The following KCNB2 variants were observed in gnomAD, a reference collection of about 807,000 sequenced individuals.
The protein encoded by KCNB2 is delayed rectifier potassium channel protein.
KCNB2 carries 15 observed loss-of-function variants against 61.5 expected under a neutral mutation model. The ratio of observed to expected loss-of-function variants is 0.24; its 90% confidence interval spans 0.16 to 0.38. The LOEUF (loss-of-function observed/expected upper bound fraction) is 0.38. Ranked by LOEUF, KCNB2 falls within the 10% of genes least tolerant of loss-of-function variation. The probability of loss-of-function intolerance (pLI) is 1.00; values close to 1 mark genes in which losing one functional copy is unlikely to be tolerated. For synonymous variants in KCNB2, 457 were observed against 446.0 expected, an observed-to-expected ratio of 1.02 and a Z score of -0.31; for missense variants, 828 against 1,125.2, an observed-to-expected ratio of 0.74 and a Z score of 3.78.
At chr8:72,902,116 C>T (rs1182958740) in intron 2 of KCNB2, among the ~76,000 whole-genome samples, 1 of 151,952 alleles carries the variant, frequency 6.6e-6, no homozygotes, top group Non-Finnish European at 1.5e-5. Flanking sequence ...GGTCCATGGA[C>T]CAAGTATAGG....
intron 2 of KCNB2, among the ~76,000 whole-genome samples, chr8:72,752,658 C>T (rs1412062581): frequency 2.0e-5 from 3 of 152,258 alleles, no homozygotes; most frequent in Non-Finnish European, 4.4e-5. Context: ...TTGTAGATGG[C>T]ACGTCGTGGG....
intron 2 of KCNB2, among the ~76,000 whole-genome samples, chr8:72,687,020 C>T (rs535607658): frequency 2.2e-3 from 341 of 152,222 alleles, no homozygotes; most frequent in Non-Finnish European, 3.6e-3. Flanking sequence ...CATCAGTTAC[C>T]TAGGGAGCTC....
chr8:72,839,703 C>G (rs13248575), intron 2 of KCNB2, among the ~76,000 whole-genome samples: 27,798 of 145,746 alleles, frequency 0.19, 3,289 homozygotes, highest in Non-Finnish European at 0.27. Flanking sequence ...AGCTCCGCCT[C>G]CCGGGTTCAC....
At chr8:72,622,316 A>G (rs1216172382) in intron 2 of KCNB2, among the ~76,000 whole-genome samples, 5 of 152,038 alleles carry the variant, frequency 3.3e-5, no homozygotes, top group South Asian at 2.1e-4. Context: ...AGTCTTCTCA[A>G]TAACATCTAC....
chr8:72,790,456 A>G (rs1345781971), intron 2 of KCNB2, among the ~76,000 whole-genome samples: 4 of 152,196 alleles, frequency 2.6e-5, no homozygotes, highest in African/African-American at 4.8e-5. Flanking sequence ...ACTGAATTTG[A>G]CAAGTAGGAG....
chr8:72,638,475 TG>T (rs1806002277), intron 2 of KCNB2, among the ~76,000 whole-genome samples: 1 of 152,188 alleles, frequency 6.6e-6, no homozygotes, highest in African/African-American at 2.4e-5. Flanking sequence ...CATGATGATC[TG>T]TTCTTCACAG....
chr8:72,812,064 C>T (rs1055874461), intron 2 of KCNB2, among the ~76,000 whole-genome samples: 37 of 152,260 alleles, frequency 2.4e-4, no homozygotes, highest in African/African-American at 7.9e-4. Flanking sequence ...GAGTTCAAGA[C>T]CAGCCTGCCC....
intron 2 of KCNB2, among the ~76,000 whole-genome samples, chr8:72,896,444 G>T (rs1421661866): frequency 6.6e-6 from 1 of 152,100 alleles, no homozygotes; most frequent in African/African-American, 2.4e-5. Context: ...ATTAGTAAAT[G>T]AAACGTTCAA....
chr8:72,709,297 G>A (rs1226135986), intron 2 of KCNB2, among the ~76,000 whole-genome samples: 1 of 152,080 alleles, frequency 6.6e-6, no homozygotes, highest in Non-Finnish European at 1.5e-5. Context: ...CATGTGGTAA[G>A]GACAAGAGAA....
At chr8:72,850,708 G>T (rs1169521313) in intron 2 of KCNB2, among the ~76,000 whole-genome samples, 1 of 152,120 alleles carries the variant, frequency 6.6e-6, no homozygotes, top group African/African-American at 2.4e-5. Flanking sequence ...TACCAGAAAA[G>T]AAAATTTAAT....
At chr8:72,740,758 C>T (rs1464962698) in intron 2 of KCNB2, among the ~76,000 whole-genome samples, 1 of 152,188 alleles carries the variant, frequency 6.6e-6, no homozygotes, top group Non-Finnish European at 1.5e-5. Context: ...CCTTTCTTCT[C>T]ACAAGATCTT....
chr8:72,559,524 G>C (rs1028959070), intron 1 of KCNB2, among the ~76,000 whole-genome samples: 1 of 152,110 alleles, frequency 6.6e-6, no homozygotes. Flanking sequence ...GCTGGGGTTT[G>C]GGCTGTAGTG....
At chr8:72,848,190 A>G (rs754192762) in intron 2 of KCNB2, among the ~76,000 whole-genome samples, 11 of 152,180 alleles carry the variant, frequency 7.2e-5, no homozygotes, top group Non-Finnish European at 1.6e-4. Flanking sequence ...CACTCTATCA[A>G]TCATAATAGG....
intron 2 of KCNB2, among the ~76,000 whole-genome samples, chr8:72,737,277 G>A (rs1439335755): frequency 1.3e-5 from 2 of 152,072 alleles, no homozygotes; most frequent in Non-Finnish European, 1.5e-5. Flanking sequence ...TCCAACTAAG[G>A]ACCATTAGTT....
chr8:72,900,035 G>A (rs149814169), intron 2 of KCNB2, among the ~76,000 whole-genome samples: 1,522 of 152,124 alleles, frequency 0.01, 34 homozygotes, highest in African/African-American at 0.034. Context: ...AGCCTGAATA[G>A]CCAAAGCAAT....
At chr8:72,717,767 A>T (rs12502672) in intron 2 of KCNB2, among the ~76,000 whole-genome samples, 14 of 152,234 alleles carry the variant, frequency 9.2e-5, no homozygotes, top group East Asian at 7.7e-4. Context: ...GGACTTCATG[A>T]CTAAAACACC....
At chr8:72,727,626 T>A (rs904844637) in intron 2 of KCNB2, among the ~76,000 whole-genome samples, 1 of 152,200 alleles carries the variant, frequency 6.6e-6, no homozygotes, top group Admixed American at 6.5e-5. Context: ...TGGGAAAGGC[T>A]GTGGTTCTCT....
In KCNB2 at chr8:72,920,453, C is replaced by CTATATATA; in HGVS notation, c.580-15479_580-15478insATATATAT. On this transcript the variant is annotated intron_variant, in intron 2 of 2. Transcript: ENST00000523207. ...CCCCCTCTCCACTATATCTATCTAT[C>CTATATATA]TATCTATCTATCTATCTATCTATAT... is the stretch of plus-strand genomic sequence containing the variant. Among the ~76,000 whole-genome samples the CTATATATA allele has an allele frequency of 1.8e-3, 77 of 43,106 alleles. 5 individuals are homozygous for CTATATATA. The highest frequency in any genetic ancestry group is 3.8e-3 in the East Asian group (13 of 3,436). 28.3% of individuals were successfully genotyped at this position (43,106 alleles called of 152,430 possible).
At chr8:72,852,519 T>G (rs1465336201) in intron 2 of KCNB2, among the ~76,000 whole-genome samples, 1 of 152,182 alleles carries the variant, frequency 6.6e-6, no homozygotes, top group Non-Finnish European at 1.5e-5. Flanking sequence ...ATTACATTAA[T>G]CTTGGTTTTA....
Sources: gnomAD v4.1 joint callset for allele counts (sites outside exome capture counted in the v4.1 genomes callset) on GRCh38, gnomAD v4.1.1 for gene constraint, MANE v1.5 for transcripts, NCBI Gene and HGNC (gene_info 2026-07-23, HGNC 2026-07-21) for gene names.